NAE1: variants seen among roughly 807,000 people sequenced by gnomAD.
NAE1 encodes the protein NEDD8 activating enzyme E1 subunit 1.
NAE1 carries 59 observed loss-of-function variants against 88.0 expected under a neutral mutation model. The observed-to-expected ratio is 0.67, with a 90% CI of 0.54 to 0.83. The LOEUF is 0.83. Ranked by LOEUF, NAE1 falls within the 40% of genes least tolerant of loss-of-function variation. NAE1 has a pLI of 0.00. For synonymous variants in NAE1, 186 were observed against 208.9 expected (o/e 0.89, Z 0.95); for missense variants, 554 against 632.8 (o/e 0.88, Z 1.34).
Position 66,830,930 on chromosome 16 carries a change from G to C in NAE1, c.-31C>G. 1 of 1,507,430 alleles carries C rather than the reference G, an allele frequency of 6.6e-7. No homozygotes were observed. The highest frequency in any genetic ancestry group is 8.8e-7 in the Non-Finnish European group (1 of 1,136,446). 93.4% of individuals were successfully genotyped at this position (1,507,430 alleles called of 1,614,324 possible). On this transcript the variant is annotated 5_prime_UTR_variant, in exon 1 of 20. Coordinates refer to ENST00000290810, the MANE Select transcript of NAE1 (RefSeq NM_003905.4). ...CGCCTGCCGCGCGGAAAACAGCCGA[G>C]CCCCTGCGGAGCGCCGCCACCAGCT...
At chr16:66,814,105 G>A (rs183977374) in intron 11 of NAE1, among the ~76,000 whole-genome samples, 2 of 152,038 alleles carry the variant, frequency 1.3e-5, no homozygotes, top group East Asian at 3.9e-4. Flanking sequence ...GTAAAGAAGG[G>A]GCCCCAGTAA....
chr16:66,804,393 A>AT (rs1377181737), intron 19 of NAE1, among the ~76,000 whole-genome samples: 1 of 152,180 alleles, frequency 6.6e-6, no homozygotes, highest in East Asian at 1.9e-4. Flanking sequence ...TTGGCAGAAA[A>AT]TTTTGCTACT....
At chr16:66,814,654 T>C (rs886654120) in intron 11 of NAE1, among the ~76,000 whole-genome samples, 3 of 151,094 alleles carry the variant, frequency 2.0e-5, no homozygotes, top group African/African-American at 7.3e-5. Flanking sequence ...ATTCTACTGA[T>C]GGGTGGAAAA....
intron 6 of NAE1, among the ~76,000 whole-genome samples, chr16:66,822,820 C>A (rs1010751784): frequency 1.3e-5 from 2 of 149,952 alleles, no homozygotes; most frequent in African/African-American, 4.8e-5. Flanking sequence ...TAGGCGTGAG[C>A]CACCACGCCC....
chr16:66,810,621 C>A, intron 14 of NAE1, 76 bp downstream of exon 14: 1 of 1,322,444 alleles, frequency 7.6e-7, no homozygotes, highest in Non-Finnish European at 1.1e-6. Context: ...CAGTGCCACA[C>A]CCTCTGTCTC....
intron 1 of NAE1, among the ~76,000 whole-genome samples, chr16:66,830,451 C>T (rs1240542827): frequency 1.3e-5 from 2 of 152,224 alleles, no homozygotes; most frequent in African/African-American, 4.8e-5. Context: ...ATGAGACTAG[C>T]ATTTTATTTC....
Position 66,809,033 on chromosome 16 carries a change from A to C in NAE1, c.1193T>G (p.Leu398Ter), listed in dbSNP as rs1436723862. ...AFLRVVRCRS[L>*]AEEYGLDTIN... The stretch of plus-strand genomic sequence containing the variant: ...TGTATCCAAACCATATTCTTCAGCT[A>C]AGGATCGACATCTTACCACTCGAAG... The change falls in exon 16 of 20, where the codon TTA (leucine) becomes TGA (stop). Residue 398 changes from leucine (L) to a stop codon, truncating the protein, a stop_gained. Transcript: ENST00000290810. LOFTEE classifies it high-confidence loss of function. 1 of 1,612,822 alleles carries C rather than the reference A, an allele frequency of 6.2e-7. No individual in the cohort carries two copies. The highest frequency in any genetic ancestry group is 1.7e-5 in the Admixed American group (1 of 59,918).
chr16:66,828,633 CCTGCGAACAGCCA>C (rs1960566971), intron 1 of NAE1, among the ~76,000 whole-genome samples: 1 of 151,514 alleles, frequency 6.6e-6, no homozygotes, highest in Non-Finnish European at 1.5e-5. Context: ...AATAATCATA[CCTGCGAACAGCCA>C]CTGCACTCCA....
At chr16:66,830,729 C>T in intron 1 of NAE1, 118 bp downstream of exon 1, 2 of 1,006,928 alleles carry the variant, frequency 2.0e-6, no homozygotes, top group Non-Finnish European at 2.8e-6. Context: ...CCGCACGGCC[C>T]GGCCCAGCCT....
intron 9 of NAE1, 116 bp from the exon 10 acceptor site, chr16:66,817,144 G>A: frequency 3.0e-6 from 4 of 1,350,622 alleles, no homozygotes; most frequent in Non-Finnish European, 3.9e-6. Context: ...ATATTTCTCT[G>A]TGAAATCAGA....
chr16:66,821,407 G>T, intron 7 of NAE1, 43 bp downstream of exon 7: 1 of 1,467,538 alleles, frequency 6.8e-7, no homozygotes. Flanking sequence ...TAAAATTATA[G>T]CTAAAGCAAC....
chr16:66,823,192 G>C, intron 6 of NAE1, 35 bp downstream of exon 6: 1 of 1,308,756 alleles, frequency 7.6e-7, no homozygotes, highest in Non-Finnish European at 1.1e-6. Context: ...AATCTAATAA[G>C]ATTAAAATAA....
At chr16:66,830,012 A>G (rs996780115) in intron 1 of NAE1, among the ~76,000 whole-genome samples, 3 of 152,200 alleles carry the variant, frequency 2.0e-5, no homozygotes, top group Non-Finnish European at 1.5e-5. Flanking sequence ...CAGCCTCCAG[A>G]GTAACTGGGA....
intron 1 of NAE1, chr16:66,827,971 C>T (rs1960531804): frequency 1.2e-6 from 2 of 1,610,940 alleles, no homozygotes; most frequent in Non-Finnish European, 8.5e-7. Flanking sequence ...CAGGCACAAG[C>T]CACTGTACCT....
intron 7 of NAE1, among the ~76,000 whole-genome samples, chr16:66,819,749 G>T (rs1329011486): frequency 6.6e-6 from 1 of 152,138 alleles, no homozygotes; most frequent in Admixed American, 6.5e-5. Context: ...TGGATTTTTG[G>T]ATTAAGGATA....
intron 4 of NAE1, 48 bp downstream of exon 4, chr16:66,824,807 G>A (rs748219781): frequency 1.5e-4 from 228 of 1,506,760 alleles, no homozygotes; most frequent in Non-Finnish European, 2.5e-5. Flanking sequence ...TCAAAACACA[G>A]GGGCATCATT....
intron 3 of NAE1, 70 bp from the exon 4 acceptor site, chr16:66,824,955 G>A: frequency 7.5e-7 from 1 of 1,338,250 alleles, no homozygotes; most frequent in Non-Finnish European, 1.0e-6. Context: ...GTTTGTAATA[G>A]CATGCATATT....
intron 11 of NAE1, 37 bp downstream of exon 11, chr16:66,816,544 C>T (rs1402273387): frequency 7.1e-7 from 1 of 1,404,576 alleles, no homozygotes; most frequent in African/African-American, 1.4e-5. Context: ...TAGAAAACAT[C>T]TTGTTCATGT....
chr16:66,825,237 G>C (rs565843356), intron 3 of NAE1, among the ~76,000 whole-genome samples: 10 of 152,218 alleles, frequency 6.6e-5, no homozygotes, highest in Admixed American at 2.0e-4. Flanking sequence ...CACGAAGTCA[G>C]GAGATCGAGA....
Sources: allele counts gnomAD v4.1 joint callset (sites outside exome capture counted in the v4.1 genomes callset), GRCh38; gene constraint gnomAD v4.1.1; transcripts MANE v1.5; gene names NCBI Gene and HGNC (gene_info 2026-07-23, HGNC 2026-07-21).